PAPPA: variants seen among roughly 807,000 people sequenced by gnomAD.
PAPPA encodes pappalysin 1.
In PAPPA, 60 loss-of-function variants were observed where a neutral mutation model predicts 164.0. That is an observed-to-expected ratio of 0.37 (90% CI 0.30 to 0.45). The LOEUF is 0.45. Ranked by LOEUF, PAPPA falls within the 20% of genes least tolerant of loss-of-function variation. PAPPA has a pLI of 1.00. For missense variants in PAPPA, 1,782 were observed against 2,087.3 expected (o/e 0.85, Z 2.85); for synonymous variants, 875 against 814.1 (o/e 1.07, Z -1.27).
chr9:116,293,002 A>C (rs1206519055), intron 9 of PAPPA, among the ~76,000 whole-genome samples: 2 of 152,196 alleles, frequency 1.3e-5, no homozygotes, highest in East Asian at 1.9e-4. Context: ...GCTTCAAGGC[A>C]GTCTAGCAAG....
At chr9:116,390,605 G>A (rs1846877202) in intron 21 of PAPPA, among the ~76,000 whole-genome samples, 1 of 152,056 alleles carries the variant, frequency 6.6e-6, no homozygotes, top group African/African-American at 2.4e-5. Flanking sequence ...ATTAGTAAGA[G>A]ACAACAAGCA....
Position 116,347,356 on chromosome 9 carries a change from T to A in PAPPA, c.3964+147T>A. 1 of 627,336 alleles carries A rather than the reference T, an allele frequency of 1.6e-6. No individual in the cohort carries two copies. Among genetic ancestry groups the A allele is most frequent in the East Asian group, 3.0e-5 (1 of 33,746 alleles). The allele number at this position is 627,336 out of a possible 1,614,324, so 38.9% of individuals were successfully genotyped here. On this transcript the variant is annotated intron_variant, in intron 15 of 21. Transcript: ENST00000328252. The surrounding 1 kb of genome is among the most constrained non-coding windows in gnomAD (Gnocchi z 4.5). ...GACTTCTTCCTACTAATTGTATTTA[T>A]GTAAACTGCCCTGCTATGCAGATAA...
rs1007746764 is a variant in PAPPA, at chr9:116,398,962, C to T, written c.*2346C>T. ...TATCAGCCTGTGTGGTGTTAACTACCTTAGAAGGTACAAGCTAAGAAATGT... is the reference window on the plus strand; with the variant it reads ...TATCAGCCTGTGTGGTGTTAACTACTTTAGAAGGTACAAGCTAAGAAATGT... On this transcript the variant is annotated 3_prime_UTR_variant, in exon 22 of 22. Coordinates refer to ENST00000328252, the MANE Select transcript of PAPPA (RefSeq NM_002581.5). 3 of 297,518 alleles carry T rather than the reference C, an allele frequency of 1.0e-5. No homozygotes were observed. Among genetic ancestry groups the T allele is most frequent in the African/African-American group, 4.5e-5 (2 of 44,872 alleles). 18.4% of individuals were successfully genotyped at this position (297,518 alleles called of 1,614,324 possible).
At chr9:116,241,414 T>C (rs999067220) in intron 7 of PAPPA, among the ~76,000 whole-genome samples, 3 of 152,204 alleles carry the variant, frequency 2.0e-5, no homozygotes, top group African/African-American at 7.2e-5. Flanking sequence ...GAGATGACAT[T>C]TGAACAGAAA....
intron 2 of PAPPA, among the ~76,000 whole-genome samples, chr9:116,193,566 C>G (rs1450327569): frequency 6.6e-6 from 1 of 152,118 alleles, no homozygotes; most frequent in African/African-American, 2.4e-5. Context: ...GATGGAGACC[C>G]AGGGTCTCAC....
At chr9:116,240,818 G>C (rs1179542328) in intron 7 of PAPPA, among the ~76,000 whole-genome samples, 1 of 152,200 alleles carries the variant, frequency 6.6e-6, no homozygotes, top group Non-Finnish European at 1.5e-5. Context: ...TTCATTCTCT[G>C]ATTGAACAAG....
At chr9:116,369,224 A>G (rs1846540878) in intron 19 of PAPPA, among the ~76,000 whole-genome samples, 1 of 151,760 alleles carries the variant, frequency 6.6e-6, no homozygotes, top group African/African-American at 2.4e-5. Context: ...AAGCTCTTTC[A>G]TCTGTTTCCT....
intron 17 of PAPPA, among the ~76,000 whole-genome samples, chr9:116,355,930 G>A (rs1250610823): frequency 6.6e-6 from 1 of 152,168 alleles, no homozygotes; most frequent in East Asian, 1.9e-4. Context: ...CCTCAGATCA[G>A]GGCCTGAGAG....
At chr9:116,305,134 GACACACACACACACAC>G (rs57723920) in intron 10 of PAPPA, among the ~76,000 whole-genome samples, 4 of 129,960 alleles carry the variant, frequency 3.1e-5, no homozygotes, top group Admixed American at 7.8e-5. Context: ...TGGGCACACA[GACACACACACACACAC>G]ACACACACAC....
chr9:116,389,509 C>T (rs1403728063), intron 21 of PAPPA, among the ~76,000 whole-genome samples: 1 of 152,106 alleles, frequency 6.6e-6, no homozygotes, highest in East Asian at 1.9e-4. Context: ...GTGCTTTGCC[C>T]ACCCACATTG....
intron 17 of PAPPA, among the ~76,000 whole-genome samples, chr9:116,357,518 G>A (rs1013405336): frequency 1.3e-5 from 2 of 152,290 alleles, no homozygotes; most frequent in South Asian, 2.1e-4. Flanking sequence ...AAGAAGGCCC[G>A]GGGAGGGTAA....
chr9:116,299,235 TTCTC>T (rs1048599651), intron 9 of PAPPA, among the ~76,000 whole-genome samples: 1 of 152,026 alleles, frequency 6.6e-6, no homozygotes. Context: ...CTGTCTCTCT[TTCTC>T]TCTCTCTCCC....
chr9:116,369,193 C>T (rs1160526513), intron 19 of PAPPA, among the ~76,000 whole-genome samples: 2 of 152,066 alleles, frequency 1.3e-5, no homozygotes, highest in African/African-American at 4.8e-5. Flanking sequence ...ATCTACAAGA[C>T]AGCCCTATTT....
At chr9:116,233,929 G>A (rs1340204916) in intron 6 of PAPPA, among the ~76,000 whole-genome samples, 2 of 151,834 alleles carry the variant, frequency 1.3e-5, no homozygotes, top group Non-Finnish European at 2.9e-5. Context: ...GGGGACACAT[G>A]CCTATATTCA....
intron 10 of PAPPA, among the ~76,000 whole-genome samples, chr9:116,316,129 T>A (rs1409614934): frequency 1.3e-5 from 2 of 152,080 alleles, no homozygotes; most frequent in Non-Finnish European, 2.9e-5. Flanking sequence ...TGGAGGAAAA[T>A]GTCAATTTTG....
At chr9:116,304,948 C>T (rs992577999) in intron 10 of PAPPA, among the ~76,000 whole-genome samples, 14 of 151,880 alleles carry the variant, frequency 9.2e-5, no homozygotes, top group Non-Finnish European at 1.6e-4. Context: ...AATACAGGGT[C>T]GGGGAGGGAA....
intron 1 of PAPPA, among the ~76,000 whole-genome samples, chr9:116,180,623 G>C (rs1323244874): frequency 1.3e-5 from 2 of 152,096 alleles, no homozygotes; most frequent in African/African-American, 4.8e-5. Context: ...CCCAATGAGA[G>C]AAAACAAACA....
intron 2 of PAPPA, among the ~76,000 whole-genome samples, chr9:116,206,894 G>A (rs1041504336): frequency 3.3e-5 from 5 of 152,168 alleles, no homozygotes; most frequent in Non-Finnish European, 5.9e-5. Context: ...ATAATGCACC[G>A]TACAGGGTAC....
At chr9:116,384,265 C>T (rs533252484) in intron 21 of PAPPA, among the ~76,000 whole-genome samples, 14 of 55,966 alleles carry the variant, frequency 2.5e-4, no homozygotes, top group African/African-American at 4.7e-4. Flanking sequence ...TGTCTCTACA[C>T]GTAATTAATA....
Sources: allele counts gnomAD v4.1 joint callset (sites outside exome capture counted in the v4.1 genomes callset), GRCh38; gene constraint gnomAD v4.1.1; non-coding constraint Gnocchi (gnomAD v3.1); transcripts MANE v1.5; gene names NCBI Gene and HGNC (gene_info 2026-07-23, HGNC 2026-07-21).